PRKG1: variants seen among roughly 807,000 people sequenced by gnomAD.
PRKG1 encodes the protein cGMP-dependent protein kinase 1.
Under a neutral mutation model 88.1 loss-of-function variants are expected in PRKG1, and 35 were observed. The observed-to-expected ratio is 0.40, with a 90% CI of 0.30 to 0.53. The LOEUF (loss-of-function observed/expected upper bound fraction) is 0.53. Among genes scored for constraint, PRKG1 ranks in the 20% least tolerant of loss-of-function variants. The pLI is 0.59. For missense variants in PRKG1, 540 were observed against 839.8 expected (o/e 0.64, Z 4.41); for synonymous variants, 303 against 292.5 (o/e 1.04, Z -0.37).
chr10:51,569,222 A>G (rs1334482915), intron 3 of PRKG1, among the ~76,000 whole-genome samples: 1 of 152,062 alleles, frequency 6.6e-6, no homozygotes, highest in Non-Finnish European at 1.5e-5. Context: ...ACTGAAAGGC[A>G]AGATAAGGTT....
At chr10:51,781,680 G>A (rs1838592340) in intron 3 of PRKG1, among the ~76,000 whole-genome samples, 1 of 152,226 alleles carries the variant, frequency 6.6e-6, no homozygotes, top group Admixed American at 6.6e-5. Flanking sequence ...AGTAGTCACA[G>A]CTGGAATTAG....
intron 9 of PRKG1, among the ~76,000 whole-genome samples, chr10:52,229,294 C>T (rs1036948721): frequency 6.6e-6 from 1 of 152,196 alleles, no homozygotes; most frequent in South Asian, 2.1e-4. Context: ...TGAGATTTAG[C>T]TTTCCCCTTC....
chr10:51,433,440 A>G (rs1339108899), intron 2 of PRKG1, among the ~76,000 whole-genome samples: 7 of 152,116 alleles, frequency 4.6e-5, no homozygotes, highest in Admixed American at 3.9e-4. Flanking sequence ...TTTGGTTGTA[A>G]TGATTAAAGA....
chr10:51,449,292 T>A (rs1289463541), intron 2 of PRKG1, among the ~76,000 whole-genome samples: 2 of 151,836 alleles, frequency 1.3e-5, no homozygotes, highest in African/African-American at 4.8e-5. Context: ...TTTACTCATT[T>A]TTACAGGATG....
chr10:51,297,845 C>A (rs1840761722), intron 2 of PRKG1, among the ~76,000 whole-genome samples: 1 of 152,046 alleles, frequency 6.6e-6, no homozygotes, highest in Non-Finnish European at 1.5e-5. Context: ...TAATGCCTCC[C>A]ATTATTTTCT....
chr10:51,869,200 T>C (rs1378518087), intron 4 of PRKG1, among the ~76,000 whole-genome samples: 1 of 152,196 alleles, frequency 6.6e-6, no homozygotes, highest in Non-Finnish European at 1.5e-5. Context: ...AGAAAATTGA[T>C]ACCAACCGTA....
At chr10:52,151,264 G>A (rs1357519717) in intron 8 of PRKG1, among the ~76,000 whole-genome samples, 2 of 152,146 alleles carry the variant, frequency 1.3e-5, no homozygotes, top group East Asian at 3.9e-4. Flanking sequence ...GGGCCCTAGT[G>A]TCGGTTTTTT....
chr10:51,088,388 T>G (rs558807171), intron 1 of PRKG1, among the ~76,000 whole-genome samples: 89 of 127,510 alleles, frequency 7.0e-4, no homozygotes, highest in Middle Eastern at 4.3e-3. Flanking sequence ...TGGATTGGTT[T>G]TCAGTTTTTT....
At chr10:52,144,729 A>AT (rs1169218427) in intron 8 of PRKG1, among the ~76,000 whole-genome samples, 3 of 68,504 alleles carry the variant, frequency 4.4e-5, no homozygotes, top group Non-Finnish European at 1.2e-4. Context: ...AGGCAGGAGA[A>AT]TTGCTTGAAC....
At chr10:51,192,721 G>A (rs1837661577) in intron 2 of PRKG1, among the ~76,000 whole-genome samples, 1 of 151,952 alleles carries the variant, frequency 6.6e-6, no homozygotes, top group African/African-American at 2.4e-5. Flanking sequence ...TGGATTATCA[G>A]TCAATATGAT....
At chr10:51,251,738 A>C (rs1839433352) in intron 2 of PRKG1, among the ~76,000 whole-genome samples, 1 of 151,810 alleles carries the variant, frequency 6.6e-6, no homozygotes, top group African/African-American at 2.4e-5. Flanking sequence ...TCTGCTAAGA[A>C]TCAACCTCTG....
At chr10:51,407,754 A>G (rs918221058) in intron 2 of PRKG1, among the ~76,000 whole-genome samples, 7 of 152,138 alleles carry the variant, frequency 4.6e-5, no homozygotes, top group Non-Finnish European at 1.0e-4. Flanking sequence ...ATTGACCTTA[A>G]TCACAGGGCA....
intron 9 of PRKG1, among the ~76,000 whole-genome samples, chr10:52,167,489 A>G (rs976745249): frequency 6.6e-6 from 1 of 152,120 alleles, no homozygotes; most frequent in African/African-American, 2.4e-5. Context: ...ATACTATTAT[A>G]TACTCTTCAT....
chr10:51,216,058 A>G (rs889408212), intron 2 of PRKG1, among the ~76,000 whole-genome samples: 4 of 152,328 alleles, frequency 2.6e-5, no homozygotes, highest in South Asian at 2.1e-4. Context: ...TTTGTCTGCT[A>G]TTAGTGCTGG....
At chr10:52,287,012 G>A (rs1223513421) in intron 14 of PRKG1, among the ~76,000 whole-genome samples, 1 of 151,748 alleles carries the variant, frequency 6.6e-6, no homozygotes, top group Non-Finnish European at 1.5e-5. Flanking sequence ...TATATTGAAT[G>A]AATATTAGAC....
intron 9 of PRKG1, among the ~76,000 whole-genome samples, 163 bp from the exon 10 acceptor site, chr10:52,251,407 G>C (rs781495648): frequency 1.3e-5 from 2 of 151,950 alleles, no homozygotes; most frequent in African/African-American, 4.8e-5. Flanking sequence ...TGCACAACTG[G>C]GACCAAAAAA....
chr10:51,267,304 C>T (rs1160217516), intron 2 of PRKG1, among the ~76,000 whole-genome samples: 1 of 152,008 alleles, frequency 6.6e-6, no homozygotes, highest in East Asian at 1.9e-4. Context: ...GATTTTGTGA[C>T]CCGATTTTTG....
chr10:51,328,856 T>C (rs1841658632), intron 2 of PRKG1, among the ~76,000 whole-genome samples: 1 of 152,160 alleles, frequency 6.6e-6, no homozygotes, highest in African/African-American at 2.4e-5. Flanking sequence ...TGGGGAGATA[T>C]TAGGTACATT....
intron 5 of PRKG1, among the ~76,000 whole-genome samples, chr10:51,957,902 T>A (rs1843352292): frequency 1.3e-5 from 2 of 152,184 alleles, no homozygotes; most frequent in Admixed American, 1.3e-4. Context: ...AAAGGCTTAT[T>A]TATCTTGACA....
Sources: gnomAD v4.1 joint callset for allele counts (sites outside exome capture counted in the v4.1 genomes callset) on GRCh38, gnomAD v4.1.1 for gene constraint, MANE v1.5 for transcripts, NCBI Gene and HGNC (gene_info 2026-07-23, HGNC 2026-07-21) for gene names.